MYLK3: variants seen among roughly 807,000 people sequenced by gnomAD.
The protein encoded by MYLK3 is MLC kinase.
A neutral mutation model predicts 76.3 loss-of-function variants in MYLK3; 55 were observed. The ratio of observed to expected loss-of-function variants is 0.72; its 90% CI spans 0.58 to 0.90. The LOEUF is 0.90. MYLK3 is among the 40% of genes least tolerant of loss of function. MYLK3 has a pLI of 0.00. For missense variants in MYLK3, 973 were observed against 1,053.6 expected (o/e 0.92, Z 1.06); for synonymous variants, 416 against 425.4 (o/e 0.98, Z 0.27).
chr16:46,762,636 G>A (rs1967294074), intron 1 of MYLK3, among the ~76,000 whole-genome samples: 1 of 152,180 alleles, frequency 6.6e-6, no homozygotes, highest in Non-Finnish European at 1.5e-5. Flanking sequence ...ATCCTCCTGT[G>A]TGCTTTGTTT....
intron 3 of MYLK3, among the ~76,000 whole-genome samples, chr16:46,735,133 C>G (rs1966862127): frequency 6.6e-6 from 1 of 151,406 alleles, no homozygotes; most frequent in South Asian, 2.1e-4. Context: ...AGAGTGAGAC[C>G]CTGTCTCAAA....
At chr16:46,752,267 G>A (rs180675056), upstream of MYLK3, among the ~76,000 whole-genome samples, 23 of 151,956 alleles carry the variant, frequency 1.5e-4, no homozygotes, top group African/African-American at 5.1e-4. Flanking sequence ...ATATGGTCTC[G>A]ATCTGTTGCC....
At chr16:46,756,640 C>T (rs1446932360) in intron 1 of MYLK3, among the ~76,000 whole-genome samples, 1 of 152,118 alleles carries the variant, frequency 6.6e-6, no homozygotes, top group Non-Finnish European at 1.5e-5. Context: ...TATATGATGA[C>T]GATTTTCCGA....
intron 1 of MYLK3, among the ~76,000 whole-genome samples, chr16:46,755,590 G>A (rs927222261): frequency 1.3e-5 from 2 of 152,116 alleles, no homozygotes; most frequent in Non-Finnish European, 2.9e-5. Context: ...TTAAACACAT[G>A]CAGCAAAATG....
chr16:46,738,176 C>G, intron 2 of MYLK3, 33 bp from the exon 3 acceptor site: 8 of 1,467,930 alleles, frequency 5.4e-6, no homozygotes, highest in Middle Eastern at 3.6e-4. Flanking sequence ...AAAATGCACT[C>G]CCATGTGGAG....
intron 1 of MYLK3, among the ~76,000 whole-genome samples, chr16:46,743,904 C>T (rs2143016648): frequency 6.6e-6 from 1 of 152,240 alleles, no homozygotes; most frequent in Non-Finnish European, 1.5e-5. Flanking sequence ...TAAACCAAAA[C>T]TAGCTTTGGT....
intron 1 of MYLK3, among the ~76,000 whole-genome samples, chr16:46,755,552 G>A (rs1967187403): frequency 6.6e-6 from 1 of 152,114 alleles, no homozygotes; most frequent in Non-Finnish European, 1.5e-5. Context: ...ACCCTCCCGG[G>A]GGAAAAAGAG....
Position 46,710,763 on chromosome 16 carries a change from C to T in MYLK3, c.2141G>A (p.Gly714Glu). The change falls in exon 11 of 13, where the codon GGG becomes GAG. Residue 714 changes from glycine to glutamate, a missense_variant. Physicochemically the swap from Gly to Glu is moderately conservative, Grantham distance 98. Around this residue, in one of 2 missense-constraint regions of MYLK3, gnomAD observed 332 missense variants for 416.6 expected, o/e 0.80. Coordinates refer to ENST00000394809, the MANE Select transcript of MYLK3 (RefSeq NM_182493.3). ...MLLSGLSPFLGETDAETMNFI... is the reference protein window; with the variant it reads ...MLLSGLSPFLEETDAETMNFI... ...ATTCATGGTCTCTGCATCTGTTTCCCCTAGAAATGGGGACAAGCCACTGAG... is the reference window on the plus strand; with the variant it reads ...ATTCATGGTCTCTGCATCTGTTTCCTCTAGAAATGGGGACAAGCCACTGAG... The T allele has an allele frequency of 6.2e-7, 1 of 1,614,042 alleles. No individual in the cohort carries two copies. The highest frequency in any genetic ancestry group is 1.1e-5 in the South Asian group (1 of 91,076).
At chr16:46,726,971 T>G in intron 8 of MYLK3, 1 of 318,386 alleles carries the variant, frequency 3.1e-6, no homozygotes, top group African/African-American at 2.1e-5. Flanking sequence ...TTAAAAAAAG[T>G]AATCTTAAAG....
chr16:46,721,402 A>C (rs915730083), intron 8 of MYLK3, among the ~76,000 whole-genome samples: 14 of 152,210 alleles, frequency 9.2e-5, no homozygotes, highest in Admixed American at 8.5e-4. Context: ...GGAGGCTCCC[A>C]GCCTGTGTAA....
At chr16:46,748,769 C>T (rs1967074525), upstream of MYLK3, among the ~76,000 whole-genome samples, 1 of 152,206 alleles carries the variant, frequency 6.6e-6, no homozygotes, top group Non-Finnish European at 1.5e-5. The surrounding 1 kb of genome is among the most constrained non-coding windows in gnomAD (Gnocchi z 4.3). Context: ...TTTGATGCTT[C>T]TGCAAATTTA....
rs1182342542 is a variant in MYLK3, at chr16:46,704,067, A to G, written c.*3637T>C. The G allele has an allele frequency of 6.6e-6, 1 of 152,352 alleles. No homozygotes were observed. The highest frequency in any genetic ancestry group is 2.4e-5 in the African/African-American group (1 of 41,444). 9.4% of individuals were successfully genotyped at this position (152,352 alleles called of 1,614,324 possible). ...GATTAAGTACGTCTGATGAAAACCT[A>G]GCATCTGAATTGACAGGTTTTTTTT... On this transcript the variant is annotated 3_prime_UTR_variant, in exon 13 of 13. Coordinates refer to ENST00000394809, the MANE Select transcript of MYLK3 (RefSeq NM_182493.3).
chr16:46,719,111 G>A (rs564647510), intron 9 of MYLK3, among the ~76,000 whole-genome samples: 53 of 152,012 alleles, frequency 3.5e-4, no homozygotes, highest in Non-Finnish European at 6.2e-4. Context: ...GGCGGATCAC[G>A]ACGTCAAGAG....
In MYLK3 at chr16:46,730,599, A is replaced by C. The variant is rs1407622969; in HGVS notation, c.1562T>G (p.Leu521Trp). ...AAGGCAGATGCCCACCTACCCTCCCAAGACTTCGTGCTGGCACACCTCGTA... is the reference window on the plus strand; with the variant it reads ...AAGGCAGATGCCCACCTACCCTCCCCAGACTTCGTGCTGGCACACCTCGTA... ...AGYEVCQHEV[L>W]GGGRFGQVHR... The change falls in exon 5 of 13, where the codon TTG (leucine) becomes TGG (tryptophan). Residue 521 changes from leucine to tryptophan, a missense_variant. Around this residue, in one of 2 missense-constraint regions of MYLK3, gnomAD observed 332 missense variants for 416.6 expected, o/e 0.80. Coordinates refer to ENST00000394809, the MANE Select transcript of MYLK3 (RefSeq NM_182493.3). 2 of 1,613,524 alleles carry C rather than the reference A, an allele frequency of 1.2e-6. No homozygotes were observed. The highest frequency in any genetic ancestry group is 1.7e-6 in the Non-Finnish European group (2 of 1,179,812).
At chr16:46,719,294 T>G (rs1310582394) in intron 9 of MYLK3, among the ~76,000 whole-genome samples, 1 of 148,566 alleles carries the variant, frequency 6.7e-6, no homozygotes, top group African/African-American at 2.5e-5. Flanking sequence ...GCCACTGCAC[T>G]CCAGCCTGGG....
At chr16:46,729,785 G>T in intron 5 of MYLK3, 98 bp from the exon 6 acceptor site, 2 of 1,038,870 alleles carry the variant, frequency 1.9e-6, no homozygotes, top group Non-Finnish European at 3.0e-6. Flanking sequence ...CACAGGCCAT[G>T]TGGACCATCC....
chr16:46,708,164 A>C (rs994989491), intron 12 of MYLK3, among the ~76,000 whole-genome samples: 1 of 151,600 alleles, frequency 6.6e-6, no homozygotes, highest in Admixed American at 6.6e-5. Context: ...CACCACCACG[A>C]CCAGCTAACT....
chr16:46,744,330 C>CTTTTTTT (rs71158891), intron 1 of MYLK3, among the ~76,000 whole-genome samples: 1 of 43,702 alleles, frequency 2.3e-5, no homozygotes, highest in Non-Finnish European at 3.7e-5. Context: ...CCACACCCAG[C>CTTTTTTT]TTTTTTTTTT....
intron 8 of MYLK3, among the ~76,000 whole-genome samples, chr16:46,724,536 C>T (rs1193766158): frequency 6.6e-6 from 1 of 152,186 alleles, no homozygotes; most frequent in Non-Finnish European, 1.5e-5. Flanking sequence ...GGGGTCCCAG[C>T]ACAATTGTTG....
Sources: allele counts gnomAD v4.1 joint callset (sites outside exome capture counted in the v4.1 genomes callset), GRCh38; gene constraint gnomAD v4.1.1; regional missense constraint gnomAD v4.1.1; non-coding constraint Gnocchi (gnomAD v3.1); transcripts MANE v1.5; gene names NCBI Gene and HGNC (gene_info 2026-07-23, HGNC 2026-07-21).